The following VTA1 variants were observed in gnomAD, a reference collection of about 807,000 sequenced individuals.
VTA1 encodes the protein vesicle trafficking 1.
VTA1 carries 24 observed loss-of-function variants against 36.9 expected under a neutral mutation model. The observed-to-expected ratio is 0.65, with a 90% confidence interval of 0.47 to 0.91. The LOEUF is 0.91. Ranked by LOEUF, VTA1 falls within the 40% of genes least tolerant of loss-of-function variation. VTA1 has a pLI of 0.00. For missense variants in VTA1, 393 were observed against 377.2 expected (o/e 1.04, Z -0.35); for synonymous variants, 142 against 130.2 (o/e 1.09, Z -0.62).
intron 5 of VTA1, 28 bp from the exon 6 acceptor site, chr6:142,198,411 G>A (rs1429663877): frequency 6.2e-7 from 1 of 1,602,406 alleles, no homozygotes; most frequent in Admixed American, 1.7e-5. Context: ...AATACCTACT[G>A]TAACATTGTG....
intron 1 of VTA1, among the ~76,000 whole-genome samples, chr6:142,159,023 C>T (rs894712055): frequency 1.4e-4 from 22 of 151,972 alleles, no homozygotes; most frequent in African/African-American, 3.4e-4. Context: ...TTATATTTTG[C>T]GACATAAATA....
chr6:142,157,820 ATATT>A (rs1210041649), intron 1 of VTA1, among the ~76,000 whole-genome samples: 1 of 146,070 alleles, frequency 6.8e-6, no homozygotes, highest in South Asian at 2.2e-4. Context: ...ATGTTTTTTT[ATATT>A]TATTTTTCTG....
intron 1 of VTA1, among the ~76,000 whole-genome samples, chr6:142,150,494 G>C (rs1483674109): frequency 6.6e-6 from 1 of 152,082 alleles, no homozygotes; most frequent in Admixed American, 6.5e-5. Context: ...AATGAAGAAC[G>C]GCATACTCTC....
At chr6:142,176,344 C>G (rs889342950) in intron 4 of VTA1, among the ~76,000 whole-genome samples, 7 of 152,060 alleles carry the variant, frequency 4.6e-5, no homozygotes, top group African/African-American at 1.7e-4. Flanking sequence ...GTTTTCTGCC[C>G]TCGTTGAGCT....
intron 1 of VTA1, among the ~76,000 whole-genome samples, chr6:142,163,686 C>T (rs1454899419): frequency 6.6e-6 from 1 of 151,924 alleles, no homozygotes; most frequent in Non-Finnish European, 1.5e-5. Context: ...TGGTAGAAGG[C>T]ATGGGGGTGT....
intron 1 of VTA1, among the ~76,000 whole-genome samples, chr6:142,155,604 A>C (rs1376871200): frequency 6.6e-6 from 1 of 152,094 alleles, no homozygotes; most frequent in Non-Finnish European, 1.5e-5. Flanking sequence ...ACCCCTCATG[A>C]TTTGAGTTCT....
chr6:142,208,002 G>A (rs987962518), intron 7 of VTA1, among the ~76,000 whole-genome samples: 4 of 149,514 alleles, frequency 2.7e-5, no homozygotes, highest in African/African-American at 7.4e-5. Flanking sequence ...CAGGAGAATC[G>A]CTTGAACCTG....
At chr6:142,198,362 T>G in intron 5 of VTA1, 77 bp from the exon 6 acceptor site, 1 of 1,363,600 alleles carries the variant, frequency 7.3e-7, no homozygotes, top group Non-Finnish European at 9.9e-7. Flanking sequence ...ATTTGTCATG[T>G]GTATAATGAA....
intron 4 of VTA1, among the ~76,000 whole-genome samples, chr6:142,184,851 C>G (rs2114660354): frequency 6.6e-6 from 1 of 152,188 alleles, no homozygotes; most frequent in South Asian, 2.1e-4. Flanking sequence ...TGATGAAGAC[C>G]AAGTAGAGGA....
chr6:142,221,967 T>C lies in VTA1; in HGVS notation c.*3324T>C, dbSNP rs1776119483. The stretch of plus-strand genomic sequence containing the variant: ...GCCTGGGCGACAGAGCGAGACTCCT[T>C]CTCAAAAAAAAAAAAAGTATTACAA... On this transcript the variant is annotated 3_prime_UTR_variant, in exon 8 of 8. Coordinates refer to ENST00000367630, the MANE Select transcript of VTA1 (RefSeq NM_016485.5). 1 of 149,096 alleles carries C rather than the reference T, an allele frequency of 6.7e-6. No individual in the cohort carries two copies. Among genetic ancestry groups the C allele is most frequent in the Non-Finnish European group, 1.5e-5 (1 of 67,674 alleles). 9.2% of individuals were successfully genotyped at this position (149,096 alleles called of 1,614,324 possible).
At position 142,218,710 on chromosome 6, in the gene VTA1, G is replaced by T; in HGVS notation, c.*67G>T. ...CTAACAGTCCATTACTCTATCTTCA[G>T]CCTATCAGGATCACAGTTTTAAGGA... On this transcript the variant is annotated 3_prime_UTR_variant, in exon 8 of 8. Transcript: ENST00000367630. The T allele has an allele frequency of 1.3e-6, 2 of 1,493,838 alleles. No homozygotes were observed. Among genetic ancestry groups the T allele is most frequent in the Non-Finnish European group, 8.9e-7 (1 of 1,122,768 alleles). 92.5% of individuals were successfully genotyped at this position (1,493,838 alleles called of 1,614,324 possible).
intron 1 of VTA1, among the ~76,000 whole-genome samples, chr6:142,165,340 A>G (rs1774892635): frequency 6.6e-6 from 1 of 152,180 alleles, no homozygotes; most frequent in African/African-American, 2.4e-5. Context: ...CACAGAGACT[A>G]TGACCCAAGA....
At chr6:142,170,263 A>T (rs1375774986) in intron 3 of VTA1, 83 bp from the exon 4 acceptor site, 2 of 1,002,646 alleles carry the variant, frequency 2.0e-6, no homozygotes, top group East Asian at 2.5e-5. Flanking sequence ...AAAGATAGGA[A>T]TTTTTTTTCT....
At chr6:142,159,054 G>A (rs1045859310) in intron 1 of VTA1, among the ~76,000 whole-genome samples, 1 of 151,842 alleles carries the variant, frequency 6.6e-6, no homozygotes, top group Non-Finnish European at 1.5e-5. Flanking sequence ...TACTCATCAA[G>A]ATCCAAGTTT....
At chr6:142,211,598 C>G (rs1004344258) in intron 7 of VTA1, among the ~76,000 whole-genome samples, 4 of 151,880 alleles carry the variant, frequency 2.6e-5, no homozygotes, top group African/African-American at 9.7e-5. Flanking sequence ...CTAATCCCAG[C>G]TACTCGGGAG....
intron 7 of VTA1, among the ~76,000 whole-genome samples, chr6:142,211,760 C>T (rs1013894948): frequency 4.7e-5 from 7 of 148,940 alleles, no homozygotes; most frequent in Non-Finnish European, 8.9e-5. Flanking sequence ...TGAGAGAAAA[C>T]ATTGCAAAAG....
At chr6:142,192,888 G>T (rs1171037289) in intron 5 of VTA1, among the ~76,000 whole-genome samples, 2 of 152,122 alleles carry the variant, frequency 1.3e-5, no homozygotes, top group Admixed American at 1.3e-4. Flanking sequence ...TTTTACTGCT[G>T]AGTACTTCTG....
intron 1 of VTA1, among the ~76,000 whole-genome samples, chr6:142,162,621 G>C (rs1443916837): frequency 3.3e-5 from 5 of 152,116 alleles, no homozygotes; most frequent in African/African-American, 1.2e-4. Context: ...TTGTAATGAT[G>C]ACAATCTGTC....
intron 4 of VTA1, among the ~76,000 whole-genome samples, chr6:142,172,097 A>C (rs889507426): frequency 2.0e-5 from 3 of 151,962 alleles, no homozygotes; most frequent in Non-Finnish European, 4.4e-5. Context: ...TGCAACCTCT[A>C]CCTCCTGGGT....
Sources: gnomAD v4.1 joint callset for allele counts (sites outside exome capture counted in the v4.1 genomes callset) on GRCh38, gnomAD v4.1.1 for gene constraint, MANE v1.5 for transcripts, NCBI Gene and HGNC (gene_info 2026-07-23, HGNC 2026-07-21) for gene names.